ADGRL4: variants seen among roughly 807,000 people sequenced by gnomAD.
ADGRL4 encodes EGF, latrophilin and seven transmembrane domain containing 1.
A neutral mutation model predicts 74.8 loss-of-function variants in ADGRL4; 90 were observed. The ratio of observed to expected loss-of-function variants is 1.20; its 90% CI spans 1.02 to 1.43. The LOEUF is 1.43. Ranked by LOEUF, ADGRL4 falls within the 40% of genes most tolerant of loss-of-function variation. The probability of loss-of-function intolerance (pLI) is 0.00; values close to 1 mark genes in which losing one functional copy is unlikely to be tolerated. For synonymous variants in ADGRL4, 311 were observed against 279.2 expected, an observed-to-expected ratio of 1.11 and a Z score of -1.14; for missense variants, 881 against 814.3, an observed-to-expected ratio of 1.08 and a Z score of -1.00.
intron 2 of ADGRL4, among the ~76,000 whole-genome samples, chr1:78,993,507 G>A (rs1359629097): frequency 1.3e-5 from 2 of 151,980 alleles, no homozygotes; most frequent in East Asian, 3.8e-4. Context: ...GGAGTAAAAG[G>A]AGTAAAATCA....
At chr1:78,927,644 A>G (rs1395918487) in intron 7 of ADGRL4, among the ~76,000 whole-genome samples, 2 of 152,188 alleles carry the variant, frequency 1.3e-5, no homozygotes, top group East Asian at 1.9e-4. Context: ...AGAGATGGCC[A>G]TTTATCCATG....
intron 2 of ADGRL4, among the ~76,000 whole-genome samples, chr1:78,955,027 T>G (rs1649800590): frequency 6.6e-6 from 1 of 152,100 alleles, no homozygotes; most frequent in South Asian, 2.1e-4. Flanking sequence ...ATCGTGAAAC[T>G]TTGATCAGCA....
chr1:79,006,041 G>C (rs2100747261), intron 1 of ADGRL4, among the ~76,000 whole-genome samples: 1 of 152,252 alleles, frequency 6.6e-6, no homozygotes, highest in African/African-American at 2.4e-5. Context: ...AGTAAAGTCG[G>C]TTCCTTTTTT....
In ADGRL4 at chr1:78,991,263, G is replaced by A. The variant is rs564214795; in HGVS notation, c.172+13807C>T. 1.6e-3 allele frequency among the ~76,000 whole-genome samples: 240 copies of A among 152,156 alleles called. 1 individual carries two copies. Among genetic ancestry groups the A allele is most frequent in the South Asian group, 0.013 (65 of 4,834 alleles). ...TATACACAAAAGAGGAATAAGTGAA[G>A]ATGTGCAGTGCATGTGTCTGGATAA... is the stretch of plus-strand genomic sequence containing the variant. On this transcript the variant is annotated intron_variant, in intron 2 of 14. Transcript: ENST00000370742.
chr1:78,991,530 T>A (rs1469104863), intron 2 of ADGRL4, among the ~76,000 whole-genome samples: 1 of 151,966 alleles, frequency 6.6e-6, no homozygotes, highest in East Asian at 1.9e-4. Flanking sequence ...AAAATTACAT[T>A]CCAAAATTTA....
chr1:78,905,795 C>T (rs1285730737), intron 12 of ADGRL4, among the ~76,000 whole-genome samples: 2 of 151,910 alleles, frequency 1.3e-5, no homozygotes, highest in African/African-American at 2.4e-5. Flanking sequence ...ATTTAAATCC[C>T]AGGTATCTTT....
Position 78,993,862 on chromosome 1 carries a change from C to T in ADGRL4, c.172+11208G>A, listed in dbSNP as rs542106502. On this transcript the variant is annotated intron_variant, in intron 2 of 14. Transcript: ENST00000370742. ...TGCTGGGATTACAGGCATGAGACACCGCACCCGGCCAAAAATTTCATTTTT... is the reference window on the plus strand; with the variant it reads ...TGCTGGGATTACAGGCATGAGACACTGCACCCGGCCAAAAATTTCATTTTT... Among the ~76,000 whole-genome samples, 10 of 152,154 alleles carry T rather than the reference C, an allele frequency of 6.6e-5. No individual in the cohort carries two copies. The South Asian group carries it at 1.5e-3, about 22-fold the overall frequency.
At chr1:78,986,770 CTCA>C in intron 2 of ADGRL4, among the ~76,000 whole-genome samples, 1 of 151,852 alleles carries the variant, frequency 6.6e-6, no homozygotes, top group Middle Eastern at 3.4e-3. Context: ...CAGTTATTCA[CTCA>C]TCATAACTAA....
chr1:79,003,566 G>A (rs1249626355), intron 2 of ADGRL4, among the ~76,000 whole-genome samples: 1 of 151,840 alleles, frequency 6.6e-6, no homozygotes, highest in Non-Finnish European at 1.5e-5. Flanking sequence ...TTAGGCAGCA[G>A]GGGGAAAACA....
intron 7 of ADGRL4, among the ~76,000 whole-genome samples, chr1:78,929,624 C>T (rs1445102686): frequency 6.6e-6 from 1 of 151,458 alleles, no homozygotes; most frequent in Non-Finnish European, 1.5e-5. Context: ...CTAATTTTTT[C>T]AATAAATTAA....
rs368349524 is a variant in ADGRL4, at chr1:78,939,167, ATTG to A, written c.396+18_396+20del. On this transcript the variant is annotated intron_variant, in intron 4 of 14. Transcript: ENST00000370742. ...AAACCAAAATGTCAAAATAAAATAAATTGTTAACTGTTCTACTTACTTTTGTTA... is the reference window on the plus strand; with the variant it reads ...AAACCAAAATGTCAAAATAAAATAAATTAACTGTTCTACTTACTTTTGTTA... 11 of 1,539,398 alleles carry A rather than the reference ATTG, an allele frequency of 7.1e-6. No individual in the cohort carries two copies. Among genetic ancestry groups the A allele is most frequent in the African/African-American group, 2.8e-5 (2 of 71,282 alleles).
At chr1:78,978,422 G>A (rs372863326) in intron 2 of ADGRL4, among the ~76,000 whole-genome samples, 4 of 151,858 alleles carry the variant, frequency 2.6e-5, no homozygotes, top group Non-Finnish European at 5.9e-5. Context: ...CTGTCCACAA[G>A]AACATGAAGG....
chr1:78,911,517 C>A (rs1019058923), intron 12 of ADGRL4, among the ~76,000 whole-genome samples: 1 of 151,622 alleles, frequency 6.6e-6, no homozygotes, highest in Non-Finnish European at 1.5e-5. Flanking sequence ...AGACTTCTAA[C>A]AAATTCTATA....
chr1:78,926,513 C>G (rs188807004), intron 8 of ADGRL4, among the ~76,000 whole-genome samples: 1,595 of 152,038 alleles, frequency 0.01, 13 homozygotes, highest in Middle Eastern at 0.027. Context: ...TTTAAAGTGA[C>G]AAGTATTAAT....
intron 2 of ADGRL4, among the ~76,000 whole-genome samples, chr1:78,970,373 G>A (rs970776498): frequency 6.6e-6 from 1 of 152,224 alleles, no homozygotes; most frequent in Non-Finnish European, 1.5e-5. Flanking sequence ...TAAAGGTCAT[G>A]CTAGTATCTG....
chr1:78,994,338 T>A (rs1650672635), intron 2 of ADGRL4, among the ~76,000 whole-genome samples: 2 of 152,152 alleles, frequency 1.3e-5, no homozygotes, highest in Non-Finnish European at 2.9e-5. Flanking sequence ...TTCAATCAGA[T>A]CTAAGTGCTT....
chr1:78,918,754 C>G (rs1648937348), intron 10 of ADGRL4, among the ~76,000 whole-genome samples: 1 of 151,634 alleles, frequency 6.6e-6, no homozygotes, highest in South Asian at 2.1e-4. Flanking sequence ...ACTTATGTAC[C>G]TATCCCATTA....
At chr1:78,949,658 G>A (rs534261922) in intron 2 of ADGRL4, among the ~76,000 whole-genome samples, 1 of 152,058 alleles carries the variant, frequency 6.6e-6, no homozygotes, top group African/African-American at 2.4e-5. Context: ...CAAGGAGAAA[G>A]TTTCTCTGGA....
intron 7 of ADGRL4, among the ~76,000 whole-genome samples, chr1:78,928,751 C>T (rs1418402089): frequency 6.6e-6 from 1 of 151,546 alleles, no homozygotes; most frequent in Non-Finnish European, 1.5e-5. Context: ...GATTCCCATT[C>T]AGTAGGTCTT....
Sources: allele counts gnomAD v4.1 joint callset (sites outside exome capture counted in the v4.1 genomes callset), GRCh38; gene constraint gnomAD v4.1.1; transcripts MANE v1.5; gene names NCBI Gene and HGNC (gene_info 2026-07-23, HGNC 2026-07-21).